The following GALM variants were observed in gnomAD, a reference collection of about 807,000 sequenced individuals.
GALM encodes aldose 1-epimerase.
A neutral mutation model predicts 37.4 loss-of-function variants in GALM; 43 were observed. The ratio of observed to expected loss-of-function variants is 1.15; its 90% CI spans 0.90 to 1.48. GALM has a LOEUF of 1.48. Ranked by LOEUF, GALM falls within the 40% of genes most tolerant of loss-of-function variation. The pLI is 0.00. For synonymous variants in GALM, 199 were observed against 170.6 expected, an observed-to-expected ratio of 1.17 and a Z score of -1.30; for missense variants, 456 against 419.1, an observed-to-expected ratio of 1.09 and a Z score of -0.77.
chr2:38,708,732 A>G (rs1280227515), intron 4 of GALM, among the ~76,000 whole-genome samples: 1 of 77,832 alleles, frequency 1.3e-5, no homozygotes, highest in Non-Finnish European at 2.3e-5. Flanking sequence ...CTGTCTCAAG[A>G]AAAAAAAAAA....
chr2:38,688,145 G>A (rs1665586942), intron 3 of GALM, among the ~76,000 whole-genome samples: 1 of 151,868 alleles, frequency 6.6e-6, no homozygotes, highest in Admixed American at 6.6e-5. Context: ...CTGGGAGGCA[G>A]AGACTGCAGT....
At chr2:38,678,917 G>A (rs1425665023) in intron 2 of GALM, among the ~76,000 whole-genome samples, 1 of 152,220 alleles carries the variant, frequency 6.6e-6, no homozygotes, top group Non-Finnish European at 1.5e-5. Context: ...AGACTAAGAT[G>A]TGGAATAGAG....
At chr2:38,707,430 A>T (rs1383295382) in intron 4 of GALM, among the ~76,000 whole-genome samples, 2 of 152,188 alleles carry the variant, frequency 1.3e-5, no homozygotes, top group Non-Finnish European at 2.9e-5. Flanking sequence ...GGAGATGGCC[A>T]GGGGTAGAAG....
intron 4 of GALM, among the ~76,000 whole-genome samples, chr2:38,713,325 G>A (rs1247884773): frequency 1.3e-5 from 2 of 152,186 alleles, no homozygotes; most frequent in Non-Finnish European, 2.9e-5. Context: ...AGAGCAGTCA[G>A]TGGCCATTGG....
chr2:38,688,155 T>C (rs2148434555), intron 3 of GALM, among the ~76,000 whole-genome samples: 1 of 150,580 alleles, frequency 6.6e-6, no homozygotes, highest in South Asian at 2.1e-4. Flanking sequence ...GAGACTGCAG[T>C]GAGCCAAGAT....
intron 4 of GALM, among the ~76,000 whole-genome samples, chr2:38,693,843 G>T (rs1426426987): frequency 6.6e-6 from 1 of 152,140 alleles, no homozygotes; most frequent in East Asian, 1.9e-4. Flanking sequence ...TAGAACTCAG[G>T]CTCTTAAGTA....
intron 4 of GALM, among the ~76,000 whole-genome samples, chr2:38,720,414 TAAAAAAA>T (rs34372976): frequency 1.1e-5 from 1 of 92,864 alleles, no homozygotes; most frequent in African/African-American, 4.4e-5. Flanking sequence ...ACTTCTATGT[TAAAAAAA>T]AAAAAAAAAA....
chr2:38,673,734 TGG>T (rs1665171643), intron 1 of GALM, among the ~76,000 whole-genome samples: 1 of 144,876 alleles, frequency 6.9e-6, no homozygotes, highest in Non-Finnish European at 1.5e-5. Context: ...GGCGTGAACC[TGG>T]GAGGCGGAGC....
At chr2:38,706,892 G>A (rs1178448988) in intron 4 of GALM, among the ~76,000 whole-genome samples, 19 of 150,670 alleles carry the variant, frequency 1.3e-4, no homozygotes, top group Admixed American at 6.6e-4. Context: ...CGGGGGGGTC[G>A]CTATTTTAAT....
chr2:38,681,763 G>A (rs996816818), intron 3 of GALM, among the ~76,000 whole-genome samples: 4 of 152,244 alleles, frequency 2.6e-5, no homozygotes, highest in Non-Finnish European at 4.4e-5. Context: ...GAATCTAATT[G>A]TAACATGTGC....
In GALM at chr2:38,733,790, G is replaced by A. The variant is rs1012977505; in HGVS notation, c.*225G>A. On this transcript the variant is annotated 3_prime_UTR_variant, in exon 7 of 7. Coordinates refer to ENST00000272252, the MANE Select transcript of GALM (RefSeq NM_138801.3). ...ATTCCCTGTGCAGTTCAGAGGGCAA[G>A]TGAACCCAACCAACAATGTCGTCAT... The A allele has an allele frequency of 3.9e-6, 2 of 518,586 alleles. No homozygotes were observed. The highest frequency in any genetic ancestry group is 1.9e-5 in the African/African-American group (1 of 51,788). The allele number at this position is 518,586 out of a possible 1,614,324, so 32.1% of individuals were successfully genotyped here.
intron 4 of GALM, among the ~76,000 whole-genome samples, chr2:38,726,414 G>A (rs1322461884): frequency 6.6e-6 from 1 of 151,158 alleles, no homozygotes; most frequent in Non-Finnish European, 1.5e-5. Context: ...TTTTAGTAGA[G>A]ACGGGTTTTC....
rs2148453714 is a variant in GALM at position 38,719,535 on chromosome 2, G to T, written c.635-10021G>T. Among the ~76,000 whole-genome samples, 4 of 151,206 alleles carry T rather than the reference G, an allele frequency of 2.6e-5. No individual in the cohort carries two copies. The Middle Eastern group carries it at 0.014, about 518-fold the overall frequency. ...CACACCTATAATCCCAGCACTTTGG[G>T]AGGCTGAAGTGGGCGGATCACTTGA... is the stretch of plus-strand genomic sequence containing the variant. On this transcript the variant is annotated intron_variant, in intron 4 of 6. Coordinates refer to ENST00000272252, the MANE Select transcript of GALM (RefSeq NM_138801.3).
rs117547570 is a variant in GALM at position 38,707,370 on chromosome 2, A to C, written c.634+17476A>C. Reference sequence around the variant, plus strand: ...ACCAAACCCTGGGAAACTCTAGGAAACAACCACCAATATTTAAGGTCCAAA... The same window carrying C: ...ACCAAACCCTGGGAAACTCTAGGAACCAACCACCAATATTTAAGGTCCAAA... On this transcript the variant is annotated intron_variant, in intron 4 of 6. Transcript: ENST00000272252. 6.4e-3 allele frequency among the ~76,000 whole-genome samples: 973 copies of C among 152,300 alleles called. 23 individuals are homozygous for C. In the East Asian group the frequency reaches 0.066, roughly 10 times the overall value.
chr2:38,673,832 C>CA (rs143330964), intron 1 of GALM, among the ~76,000 whole-genome samples: 11,148 of 144,652 alleles, frequency 0.077, 696 homozygotes, highest in East Asian at 0.32. Flanking sequence ...AAAGGGAACT[C>CA]AAAAAAAAAT....
At chr2:38,687,713 A>G (rs1342262327) in intron 3 of GALM, among the ~76,000 whole-genome samples, 2 of 143,728 alleles carry the variant, frequency 1.4e-5, no homozygotes, top group African/African-American at 5.0e-5. Context: ...TCTGCCTCCG[A>G]AAAAAAAAAA....
chr2:38,698,441 A>T, intron 4 of GALM: 1 of 1,297,112 alleles, frequency 7.7e-7, no homozygotes. Flanking sequence ...TTGCAGGTAC[A>T]CTGTCAGGCT....
chr2:38,706,467 G>T (rs1223963294), intron 4 of GALM, among the ~76,000 whole-genome samples: 3 of 145,334 alleles, frequency 2.1e-5, no homozygotes, highest in African/African-American at 5.1e-5. Context: ...TTGAGCCCAG[G>T]AGTTCGAGAC....
At chr2:38,680,183 T>G in intron 2 of GALM, 1 of 331,534 alleles carries the variant, frequency 3.0e-6, no homozygotes, top group Non-Finnish European at 5.6e-6. Flanking sequence ...CATACCTCGC[T>G]AATTTTTTTA....
Sources: gnomAD v4.1 joint callset for allele counts (sites outside exome capture counted in the v4.1 genomes callset) on GRCh38, gnomAD v4.1.1 for gene constraint, MANE v1.5 for transcripts, NCBI Gene and HGNC (gene_info 2026-07-23, HGNC 2026-07-21) for gene names.